Variants in DOCK3 observed in about 807,000 individuals in gnomAD.
DOCK3 encodes dedicator of cytokinesis 3.
DOCK3 carries 60 observed loss-of-function variants against 265.6 expected under a neutral mutation model. The ratio of observed to expected loss-of-function variants is 0.23; its 90% CI spans 0.18 to 0.28. DOCK3 has a LOEUF of 0.28. Ranked by LOEUF, DOCK3 falls within the 10% of genes least tolerant of loss-of-function variation. The pLI is 1.00. For synonymous variants in DOCK3, 881 were observed against 938.0 expected (o/e 0.94, Z 1.11); for missense variants, 1,981 against 2,594.3 (o/e 0.76, Z 5.14).
intron 9 of DOCK3, among the ~76,000 whole-genome samples, chr3:51,119,391 C>CT (rs2083910142): frequency 2.0e-5 from 3 of 152,162 alleles, no homozygotes; most frequent in African/African-American, 7.2e-5. Flanking sequence ...TCTGGCTGCC[C>CT]TTAACATTTT....
chr3:50,893,215 G>T, intron 4 of DOCK3: 1 of 271,470 alleles, frequency 3.7e-6, no homozygotes, highest in Non-Finnish European at 7.2e-6. Context: ...GAAGGATCGG[G>T]AATACATGAC....
chr3:51,220,670 A>ATATATAT (rs1491190890), intron 14 of DOCK3, among the ~76,000 whole-genome samples: 47 of 108,006 alleles, frequency 4.4e-4, no homozygotes, highest in Middle Eastern at 4.4e-3. Flanking sequence ...AAAAAAAAAA[A>ATATATAT]ATATATATAT....
Position 50,952,630 on chromosome 3 carries a change from C to T in DOCK3, c.315+18553C>T, listed in dbSNP as rs1055900476. On this transcript the variant is annotated intron_variant, in intron 5 of 52. Coordinates refer to ENST00000266037, the MANE Select transcript of DOCK3 (RefSeq NM_004947.5). ...TCATCCTCCCTTGTCACAACTTCCA[C>T]CCAGGAGAATCAGTGTCACTGGGTT... Among the ~76,000 whole-genome samples the T allele has an allele frequency of 5.3e-5, 8 of 152,126 alleles. No homozygotes were observed. The East Asian group carries it at 9.6e-4, about 18-fold the overall frequency.
At chr3:50,974,353 C>A (rs2077359644) in intron 5 of DOCK3, among the ~76,000 whole-genome samples, 1 of 151,940 alleles carries the variant, frequency 6.6e-6, no homozygotes, top group Non-Finnish European at 1.5e-5. Context: ...CAGCTTTCTG[C>A]ATATGGCTAG....
At chr3:51,069,972 G>T (rs928778831) in intron 6 of DOCK3, among the ~76,000 whole-genome samples, 1 of 152,160 alleles carries the variant, frequency 6.6e-6, no homozygotes, top group Non-Finnish European at 1.5e-5. Flanking sequence ...GTACCTGGTG[G>T]TGTGCTCACT....
intron 1 of DOCK3, among the ~76,000 whole-genome samples, chr3:50,709,608 G>A (rs1186934017): frequency 6.6e-6 from 1 of 152,020 alleles, no homozygotes; most frequent in Non-Finnish European, 1.5e-5. Flanking sequence ...GGCCTATCAC[G>A]TAAGGTCGGG....
At chr3:50,703,736 G>C (rs2036205680) in intron 1 of DOCK3, among the ~76,000 whole-genome samples, 1 of 151,010 alleles carries the variant, frequency 6.6e-6, no homozygotes, top group African/African-American at 2.4e-5. Flanking sequence ...TATTGATTTT[G>C]TTTATCTTTT....
chr3:50,917,384 GT>G (rs1198240278), intron 4 of DOCK3, among the ~76,000 whole-genome samples: 1 of 151,826 alleles, frequency 6.6e-6, no homozygotes, highest in Non-Finnish European at 1.5e-5. Context: ...TGCTTTAATG[GT>G]TTTTTTTATT....
intron 27 of DOCK3, among the ~76,000 whole-genome samples, chr3:51,295,976 A>G (rs1484147558): frequency 6.6e-6 from 1 of 152,090 alleles, no homozygotes; most frequent in African/African-American, 2.4e-5. Context: ...AAGTAGCTGG[A>G]ACTACAGGCA....
chr3:50,853,364 T>TTG (rs1463336078), intron 3 of DOCK3, among the ~76,000 whole-genome samples: 1 of 152,058 alleles, frequency 6.6e-6, no homozygotes, highest in Non-Finnish European at 1.5e-5. Context: ...CATGGGTATA[T>TTG]TGTGTAATGA....
intron 2 of DOCK3, among the ~76,000 whole-genome samples, chr3:50,801,569 A>T (rs1297193452): frequency 6.6e-6 from 1 of 152,202 alleles, no homozygotes; most frequent in East Asian, 1.9e-4. Context: ...TTTAGAACTC[A>T]TATCTAACAA....
intron 5 of DOCK3, among the ~76,000 whole-genome samples, chr3:50,941,828 T>A (rs369789826): frequency 4.8e-4 from 73 of 152,170 alleles, no homozygotes; most frequent in African/African-American, 1.7e-3. Context: ...ATGATTCCAT[T>A]TATATGACAT....
chr3:51,381,515 G>T lies in DOCK3; in HGVS notation c.6049G>T (p.Glu2017Ter). Residue 2017 changes from glutamate (E) to a stop codon, truncating the protein, a stop_gained, in exon 53 of 53, where the codon GAG (glutamate) becomes TAG (stop). Transcript: ENST00000266037. LOFTEE classifies it high-confidence loss of function. The surrounding 1 kb of genome is among the most constrained non-coding windows in gnomAD (Gnocchi z 5.6). ...APLPPGSAKE[E>*]QARMAWEHGR... is the part of the protein sequence containing the mutation. ...ATTGCCTCCTGGGAGCGCTAAGGAG[G>T]AGCAGGCCCGCATGGCCTGGGAGCA... 6.3e-7 allele frequency: 1 copy of T among 1,575,838 alleles called. No individual in the cohort carries two copies. The highest frequency in any genetic ancestry group is 1.2e-5 in the South Asian group (1 of 86,342).
intron 12 of DOCK3, among the ~76,000 whole-genome samples, chr3:51,167,971 G>A (rs561705655): frequency 6.6e-6 from 1 of 152,230 alleles, no homozygotes; most frequent in South Asian, 2.1e-4. Context: ...TTCTAGTACT[G>A]TGTTGAACAA....
chr3:51,284,605 C>T (rs2081310832), intron 27 of DOCK3, among the ~76,000 whole-genome samples: 1 of 152,180 alleles, frequency 6.6e-6, no homozygotes, highest in South Asian at 2.1e-4. Context: ...TCTCATGGCA[C>T]ATAATTCCAG....
intron 27 of DOCK3, among the ~76,000 whole-genome samples, chr3:51,294,677 CAAA>C (rs59339067): frequency 1.8e-4 from 22 of 119,860 alleles, no homozygotes; most frequent in African/African-American, 7.0e-4. Flanking sequence ...GACTCTATCT[CAAA>C]AAAAAAAAAA....
At chr3:50,822,217 A>G (rs987163706) in intron 2 of DOCK3, among the ~76,000 whole-genome samples, 1 of 151,038 alleles carries the variant, frequency 6.6e-6, no homozygotes, top group African/African-American at 2.4e-5. Flanking sequence ...GAAATCTTTT[A>G]CCTCCTTGGT....
intron 27 of DOCK3, among the ~76,000 whole-genome samples, chr3:51,288,528 G>A (rs1278936408): frequency 6.6e-6 from 1 of 151,938 alleles, no homozygotes; most frequent in Non-Finnish European, 1.5e-5. Context: ...TAATAATCTG[G>A]ACACCAAACC....
At chr3:51,157,446 A>G (rs915560907) in intron 10 of DOCK3, among the ~76,000 whole-genome samples, 1 of 152,102 alleles carries the variant, frequency 6.6e-6, no homozygotes, top group African/African-American at 2.4e-5. Flanking sequence ...GGGTTTCACC[A>G]TGTTGGCCAG....
Sources: allele counts gnomAD v4.1 joint callset (sites outside exome capture counted in the v4.1 genomes callset), GRCh38; gene constraint gnomAD v4.1.1; non-coding constraint Gnocchi (gnomAD v3.1); transcripts MANE v1.5; gene names NCBI Gene and HGNC (gene_info 2026-07-23, HGNC 2026-07-21).